PRKAB2: variants seen among roughly 807,000 people sequenced by gnomAD.
PRKAB2 encodes 5'-AMP-activated protein kinase subunit beta-2.
Under a neutral mutation model 29.8 loss-of-function variants are expected in PRKAB2, and 18 were observed. That is an observed-to-expected ratio of 0.60 (90% CI 0.42 to 0.89). The LOEUF (loss-of-function observed/expected upper bound fraction) is 0.89, where lower values mean the gene tolerates loss of function less well. PRKAB2 is among the 40% of genes least tolerant of loss of function. PRKAB2 has a pLI of 0.00. For missense variants in PRKAB2, 270 were observed against 344.3 expected (o/e 0.78, Z 1.71); for synonymous variants, 136 against 125.9 (o/e 1.08, Z -0.54).
chr1:147,163,490 C>G (rs1654072205), intron 5 of PRKAB2, among the ~76,000 whole-genome samples: 1 of 152,156 alleles, frequency 6.6e-6, no homozygotes, highest in Admixed American at 6.5e-5. Flanking sequence ...TATGTCCACA[C>G]AATGGGCTCT....
chr1:147,164,406 T>C (rs1309950395), intron 5 of PRKAB2, among the ~76,000 whole-genome samples: 1 of 152,190 alleles, frequency 6.6e-6, no homozygotes, highest in Non-Finnish European at 1.5e-5. Context: ...ATTACACATA[T>C]AAAATGTATT....
At chr1:147,163,180 A>G (rs964958680) in intron 5 of PRKAB2, among the ~76,000 whole-genome samples, 13 of 152,344 alleles carry the variant, frequency 8.5e-5, no homozygotes, top group African/African-American at 3.1e-4. Flanking sequence ...TCAAACAGAC[A>G]GACAGTAATA....
chr1:147,166,796 TA>T (rs782562617), intron 4 of PRKAB2, 49 bp downstream of exon 4: 25 of 1,584,950 alleles, frequency 1.6e-5, no homozygotes, highest in Non-Finnish European at 2.2e-5. Flanking sequence ...AAATGACAGC[TA>T]AAATGAGACT....
intron 2 of PRKAB2, 25 bp from the exon 3 acceptor site, chr1:147,167,958 T>G: frequency 8.1e-6 from 13 of 1,595,588 alleles, no homozygotes; most frequent in African/African-American, 1.3e-5. Flanking sequence ...AGGTCATCCC[T>G]AGAATAAACT....
At chr1:147,161,148 C>T (rs1489050704) in intron 7 of PRKAB2, among the ~76,000 whole-genome samples, 1 of 152,076 alleles carries the variant, frequency 6.6e-6, no homozygotes, top group African/African-American at 2.4e-5. Flanking sequence ...ACCACAAAGA[C>T]ATAACAAGAC....
rs1168964840 is a variant in PRKAB2 at position 147,161,741 on chromosome 1, G to A, written c.712C>T (p.Leu238=). The A allele has an allele frequency of 1.2e-6, 2 of 1,613,072 alleles. No homozygotes were observed. The highest frequency in any genetic ancestry group is 4.5e-5 in the East Asian group (2 of 44,856). The change falls in exon 7 of 8, where the codon CTG becomes TTG. Residue 238 remains leucine, a synonymous_variant. Transcript: ENST00000254101. ...ATGGACAATGCATAGAGATGGTTCA[G>A]CATAACATGGTTGGGCTCAGGGAGT... ...ALLPEPNHVM[L]NHLYALSIKD...
chr1:147,160,388 T>TTC (rs1446709231), intron 7 of PRKAB2, among the ~76,000 whole-genome samples: 1 of 152,130 alleles, frequency 6.6e-6, no homozygotes, highest in African/African-American at 2.4e-5. Flanking sequence ...GAGGTACCAT[T>TTC]TCCCAGGCTG....
chr1:147,170,260 T>C (rs1654451045), intron 2 of PRKAB2, among the ~76,000 whole-genome samples: 1 of 152,162 alleles, frequency 6.6e-6, no homozygotes, highest in Admixed American at 6.5e-5. Context: ...ATATGAATAA[T>C]TTTCTTAATT....
At chr1:147,169,876 G>T (rs1165618458) in intron 2 of PRKAB2, among the ~76,000 whole-genome samples, 1 of 152,184 alleles carries the variant, frequency 6.6e-6, no homozygotes, top group Non-Finnish European at 1.5e-5. Context: ...CTAGTCCACT[G>T]AAAAAGGCAG....
chr1:147,168,885 C>T (rs1654380547), intron 2 of PRKAB2, among the ~76,000 whole-genome samples: 1 of 152,168 alleles, frequency 6.6e-6, no homozygotes, highest in Non-Finnish European at 1.5e-5. Flanking sequence ...CTCACTGCAG[C>T]CTCGAACTCC....
At chr1:147,172,369 C>T in intron 1 of PRKAB2, 60 bp downstream of exon 1, 1 of 603,836 alleles carries the variant, frequency 1.7e-6, no homozygotes, top group Admixed American at 3.5e-5. Context: ...AGGAAACCCG[C>T]TATCGGGACC....
intron 7 of PRKAB2, 133 bp downstream of exon 7, chr1:147,161,579 T>A: frequency 1.1e-5 from 8 of 711,960 alleles, no homozygotes; most frequent in South Asian, 6.7e-5. Context: ...AAAAAGAGAG[T>A]TCTTCTATAA....
intron 2 of PRKAB2, among the ~76,000 whole-genome samples, chr1:147,169,330 A>G (rs587663613): frequency 7.2e-5 from 11 of 152,322 alleles, no homozygotes; most frequent in African/African-American, 2.6e-4. Flanking sequence ...ATAGAGAAAG[A>G]GAATTGAAAG....
intron 4 of PRKAB2, 38 bp downstream of exon 4, chr1:147,166,805 ACTG>A: frequency 1.3e-6 from 2 of 1,588,400 alleles, no homozygotes; most frequent in South Asian, 1.1e-5. Context: ...CTAAAATGAG[ACTG>A]CTAAGTCAAT....
chr1:147,171,635 C>T (rs587771270), intron 2 of PRKAB2, among the ~76,000 whole-genome samples: 1 of 152,274 alleles, frequency 6.6e-6, no homozygotes, highest in Non-Finnish European at 1.5e-5. Context: ...GTGCAACCTA[C>T]CCTCTGAAGT....
intron 3 of PRKAB2, 114 bp downstream of exon 3, chr1:147,167,653 T>C: frequency 5.7e-6 from 7 of 1,231,614 alleles, no homozygotes; most frequent in Non-Finnish European, 6.7e-6. Flanking sequence ...GAAAAGGGCA[T>C]GTTCTAGAGA....
rs587626807 is a variant in PRKAB2, at chr1:147,159,540, T to C, written c.*25A>G. The C allele has an allele frequency of 9.4e-6, 15 of 1,596,552 alleles. No individual in the cohort carries two copies. In the Admixed American group the frequency reaches 1.5e-4, roughly 16 times the overall value. ...ATGCAAGGGAGATGCTTCTCCTGAA[T>C]CCTTAGAGGCAAGAAGGGATCCCTT... On this transcript the variant is annotated 3_prime_UTR_variant, in exon 8 of 8. Coordinates refer to ENST00000254101, the MANE Select transcript of PRKAB2 (RefSeq NM_005399.5).
intron 5 of PRKAB2, among the ~76,000 whole-genome samples, chr1:147,163,386 T>C (rs1378339782): frequency 1.3e-5 from 2 of 152,196 alleles, no homozygotes; most frequent in African/African-American, 4.8e-5. Flanking sequence ...ACACAAAAAC[T>C]TGTACACCAG....
rs1224653246 is a variant in PRKAB2 at position 147,171,347 on chromosome 1, T to C, written c.156+642A>G. Among the ~76,000 whole-genome samples the C allele has an allele frequency of 2.0e-5, 3 of 152,018 alleles. No homozygotes were observed. In the East Asian group the frequency reaches 5.8e-4, roughly 29 times the overall value. ...CCACCTACGGAGCAGCAGCGGGGCG[T>C]GAAAGAGGCACAGCCTCAGCCACCA... On this transcript the variant is annotated intron_variant, in intron 2 of 7. Coordinates refer to ENST00000254101, the MANE Select transcript of PRKAB2 (RefSeq NM_005399.5).
Sources: allele counts gnomAD v4.1 joint callset (sites outside exome capture counted in the v4.1 genomes callset), GRCh38; gene constraint gnomAD v4.1.1; transcripts MANE v1.5; gene names NCBI Gene and HGNC (gene_info 2026-07-23, HGNC 2026-07-21).